The following MAST4 variants were observed in gnomAD, a reference collection of about 807,000 sequenced individuals.
MAST4 encodes the protein microtubule associated serine/threonine kinase family member 4.
MAST4 carries 89 observed loss-of-function variants against 162.7 expected under a neutral mutation model. The observed-to-expected ratio is 0.55, with a 90% CI of 0.46 to 0.65. The LOEUF is 0.65. MAST4 is among the 30% of genes least tolerant of loss of function. MAST4 has a pLI of 0.00. For missense variants in MAST4, 3,153 were observed against 3,374.0 expected (o/e 0.93, Z 1.62); for synonymous variants, 1,479 against 1,361.1 (o/e 1.09, Z -1.91).
chr5:66,722,947 A>T (rs1354661897), intron 1 of MAST4, among the ~76,000 whole-genome samples: 1 of 152,170 alleles, frequency 6.6e-6, no homozygotes, highest in Non-Finnish European at 1.5e-5. Flanking sequence ...TGGTGGAATT[A>T]TGAGGCAACT....
intron 3 of MAST4, among the ~76,000 whole-genome samples, chr5:66,829,596 C>T (rs748840011): frequency 2.0e-5 from 3 of 152,094 alleles, no homozygotes; most frequent in Non-Finnish European, 4.4e-5. Flanking sequence ...GTATGTTCAA[C>T]ATTAGTATGG....
Position 67,067,703 on chromosome 5 carries a change from G to T in MAST4, c.763+13211G>T, listed in dbSNP as rs113461717. Among the ~76,000 whole-genome samples, 298 of 152,124 alleles carry T rather than the reference G, an allele frequency of 2.0e-3. 1 individual carries two copies. Among genetic ancestry groups the T allele is most frequent in the Non-Finnish European group, 3.6e-3 (244 of 68,000 alleles). On this transcript the variant is annotated intron_variant, in intron 5 of 28. Transcript: ENST00000403625. ...TTGCTGGTACAGTTACTCTGGTTTCGAGCTGATTTGGGAAATTAATGGCAT... is the reference window on the plus strand; with the variant it reads ...TTGCTGGTACAGTTACTCTGGTTTCTAGCTGATTTGGGAAATTAATGGCAT...
intron 19 of MAST4, 55 bp downstream of exon 19, chr5:67,136,719 G>C: frequency 7.4e-7 from 1 of 1,359,628 alleles, no homozygotes; most frequent in Non-Finnish European, 1.0e-6. Flanking sequence ...TGTCTACATG[G>C]AGCACTCTGA....
intron 4 of MAST4, among the ~76,000 whole-genome samples, chr5:66,927,323 G>A (rs1033696861): frequency 6.6e-6 from 1 of 152,162 alleles, no homozygotes; most frequent in African/African-American, 2.4e-5. Flanking sequence ...TTATTTACTT[G>A]TACTCTTGTT....
At position 67,056,369 on chromosome 5, in the gene MAST4, C is replaced by T. The variant is rs148156908; in HGVS notation, c.763+1877C>T. 5.9e-5 allele frequency among the ~76,000 whole-genome samples: 9 copies of T among 152,194 alleles called. No individual in the cohort carries two copies. The East Asian group carries it at 7.7e-4, about 13-fold the overall frequency. ...CATTACTCTAGCACTCAGCACAGTG[C>T]GCAGCAGTGTATGCTAGATGCTAAG... On this transcript the variant is annotated intron_variant, in intron 5 of 28. Coordinates refer to ENST00000403625, the MANE Select transcript of MAST4 (RefSeq NM_001164664.2).
At chr5:66,748,000 T>A (rs192970011) in intron 1 of MAST4, among the ~76,000 whole-genome samples, 1 of 152,252 alleles carries the variant, frequency 6.6e-6, no homozygotes, top group Non-Finnish European at 1.5e-5. Flanking sequence ...GAAGTCTCAG[T>A]TGGACATAGG....
intron 5 of MAST4, among the ~76,000 whole-genome samples, chr5:67,069,919 T>TGTGTGTGTGTG (rs70987153): frequency 5.4e-5 from 8 of 149,356 alleles, no homozygotes; most frequent in African/African-American, 9.8e-5. Context: ...TGTGTGTGTG[T>TGTGTGTGTGTG]TCCTCAGCAA....
intron 1 of MAST4, among the ~76,000 whole-genome samples, chr5:66,721,444 C>T (rs1240302542): frequency 6.6e-6 from 1 of 152,036 alleles, no homozygotes; most frequent in Non-Finnish European, 1.5e-5. Flanking sequence ...ATGTGTGGTC[C>T]TCACTTGGCC....
rs950316016 is a variant in MAST4, at chr5:67,166,324, C to T, written c.7145C>T (p.Ala2382Val). The T allele has an allele frequency of 1.3e-6, 2 of 1,591,660 alleles. No individual in the cohort carries two copies. Among genetic ancestry groups the T allele is most frequent in the African/African-American group, 1.3e-5 (1 of 74,608 alleles). ...TGCACTGAAGCACTTTATGCTCCAG[C>T]AGAGGGCGACAAGCTCGAGGCCGGC... ...KKCTEALYAP[A>V]EGDKLEAGLS... The change falls in exon 29 of 29, where the codon GCA becomes GTA. Residue 2382 changes from alanine (A) to valine (V), a missense_variant. This residue lies in a region of MAST4 where 1,644 missense variants were observed against 1,495.0 expected (regional missense o/e 1.10). Coordinates refer to ENST00000403625, the MANE Select transcript of MAST4 (RefSeq NM_001164664.2).
At chr5:66,972,103 G>A (rs1234913741) in intron 4 of MAST4, among the ~76,000 whole-genome samples, 3 of 152,200 alleles carry the variant, frequency 2.0e-5, no homozygotes, top group African/African-American at 4.8e-5. Flanking sequence ...AATGTTCCAA[G>A]AAGAGTGTTC....
chr5:66,697,346 G>A (rs1374453480), intron 1 of MAST4, among the ~76,000 whole-genome samples: 1 of 152,176 alleles, frequency 6.6e-6, no homozygotes, highest in African/African-American at 2.4e-5. Flanking sequence ...ATGGATAAAA[G>A]ATCCATTCAA....
At chr5:66,970,032 A>G (rs1232124257) in intron 4 of MAST4, among the ~76,000 whole-genome samples, 1 of 152,152 alleles carries the variant, frequency 6.6e-6, no homozygotes, top group Non-Finnish European at 1.5e-5. Context: ...TGTGTCATGC[A>G]GGCACTCTTA....
At chr5:67,053,192 T>C (rs1356428843) in intron 4 of MAST4, among the ~76,000 whole-genome samples, 2 of 152,186 alleles carry the variant, frequency 1.3e-5, no homozygotes. Context: ...AAATTATAAA[T>C]ATGGGACTGT....
At chr5:67,023,724 G>A (rs970007045) in intron 4 of MAST4, among the ~76,000 whole-genome samples, 1 of 152,034 alleles carries the variant, frequency 6.6e-6, no homozygotes, top group Non-Finnish European at 1.5e-5. Context: ...TGGGTGGAGG[G>A]CAGGATGGTG....
chr5:66,603,904 T>G (rs1220456013), intron 1 of MAST4, among the ~76,000 whole-genome samples: 1 of 152,190 alleles, frequency 6.6e-6, no homozygotes, highest in Admixed American at 6.5e-5. Flanking sequence ...GGCTTCTTAT[T>G]TGATGATGTT....
chr5:66,649,512 G>A (rs6879472), intron 1 of MAST4, among the ~76,000 whole-genome samples: 3,724 of 152,234 alleles, frequency 0.024, 161 homozygotes, highest in African/African-American at 0.086. Context: ...TCCAGCCCAT[G>A]TCTTATCTCT....
intron 3 of MAST4, among the ~76,000 whole-genome samples, chr5:66,868,437 A>G (rs1363821374): frequency 1.4e-5 from 2 of 147,856 alleles, no homozygotes; most frequent in South Asian, 2.2e-4. Flanking sequence ...ATGTATATAC[A>G]TATATATGTG....
intron 26 of MAST4, among the ~76,000 whole-genome samples, chr5:67,159,275 C>G (rs987653765): frequency 1.3e-5 from 2 of 150,920 alleles, no homozygotes; most frequent in Non-Finnish European, 2.9e-5. Context: ...TTTACACATG[C>G]GTGAGAAAAA....
At chr5:66,648,642 T>C (rs1746022501) in intron 1 of MAST4, among the ~76,000 whole-genome samples, 1 of 152,146 alleles carries the variant, frequency 6.6e-6, no homozygotes, top group Non-Finnish European at 1.5e-5. Context: ...CTCAAAAGAA[T>C]AGATTGGTGC....
Sources: allele counts gnomAD v4.1 joint callset (sites outside exome capture counted in the v4.1 genomes callset), GRCh38; gene constraint gnomAD v4.1.1; regional missense constraint gnomAD v4.1.1; transcripts MANE v1.5; gene names NCBI Gene and HGNC (gene_info 2026-07-23, HGNC 2026-07-21).